The following SLC10A7 variants were observed in gnomAD, a reference collection of about 807,000 sequenced individuals.
SLC10A7 encodes the protein sodium/bile acid cotransporter 7.
A neutral mutation model predicts 43.2 loss-of-function variants in SLC10A7; 29 were observed. That is an observed-to-expected ratio of 0.67 (90% confidence interval 0.50 to 0.92). SLC10A7 has a LOEUF of 0.92. Ranked by LOEUF, SLC10A7 falls within the 40% of genes least tolerant of loss-of-function variation. The probability of loss-of-function intolerance (pLI) is 0.00; values close to 1 mark genes in which losing one functional copy is unlikely to be tolerated. For missense variants in SLC10A7, 295 were observed against 403.2 expected (o/e 0.73, Z 2.30); for synonymous variants, 152 against 144.8 (o/e 1.05, Z -0.35).
intron 5 of SLC10A7, among the ~76,000 whole-genome samples, chr4:146,327,667 A>C (rs1013832976): frequency 3.3e-5 from 5 of 152,248 alleles, no homozygotes; most frequent in African/African-American, 4.8e-5. Context: ...CATGGTCCCT[A>C]TGCTTAAACA....
At chr4:146,482,920 A>G (rs959534523) in intron 4 of SLC10A7, among the ~76,000 whole-genome samples, 4 of 152,146 alleles carry the variant, frequency 2.6e-5, no homozygotes, top group Admixed American at 1.3e-4. Context: ...ATAGGCCAAC[A>G]GAGAGTGGAA....
chr4:146,330,783 C>G (rs1733477876), intron 5 of SLC10A7, among the ~76,000 whole-genome samples: 2 of 152,188 alleles, frequency 1.3e-5, no homozygotes, highest in African/African-American at 2.4e-5. Flanking sequence ...ACTGTGATGG[C>G]TGTGCCTTTG....
At chr4:146,514,342 T>C (rs1293528458) in intron 2 of SLC10A7, 1 of 152,230 alleles carries the variant, frequency 6.6e-6, no homozygotes, top group Non-Finnish European at 1.5e-5. Flanking sequence ...AGCACTTAAT[T>C]GATACTTGTT....
chr4:146,305,992 A>C lies in SLC10A7; in HGVS notation c.489T>G (p.Ser163=), dbSNP rs1207487884. The C allele has an allele frequency of 5.0e-6, 8 of 1,608,736 alleles. No homozygotes were observed. The highest frequency in any genetic ancestry group is 6.8e-6 in the Non-Finnish European group (8 of 1,178,040). ...GAGAAAAAATAGATGTGAAAGGCAC[A>C]GAAGAAGATGAACCAAGCTGTAAAA... ...LLLLFLGSSS[S]VPFTSIFSQL... The change falls in exon 7 of 12, where the codon TCT becomes TCG. Residue 163 remains serine (S), a synonymous_variant. Coordinates refer to ENST00000335472, the MANE Select transcript of SLC10A7 (RefSeq NM_001029998.6).
At chr4:146,340,535 GGAGAGAGAGAGA>G (rs35059793) in intron 5 of SLC10A7, among the ~76,000 whole-genome samples, 2 of 141,830 alleles carry the variant, frequency 1.4e-5, no homozygotes, top group Non-Finnish European at 3.1e-5. Flanking sequence ...ATATATATAT[GGAGAGAGAGAGA>G]GAGAGAGAGA....
At chr4:146,279,118 T>C (rs1729383604) in intron 10 of SLC10A7, among the ~76,000 whole-genome samples, 1 of 152,196 alleles carries the variant, frequency 6.6e-6, no homozygotes, top group Admixed American at 6.6e-5. Context: ...AGAAGTACTT[T>C]TGGAAATAAG....
chr4:146,307,693 G>T (rs1270642120), intron 6 of SLC10A7, among the ~76,000 whole-genome samples: 2 of 152,070 alleles, frequency 1.3e-5, no homozygotes, highest in African/African-American at 4.8e-5. Flanking sequence ...TATTCATAAG[G>T]TTTACAGAAC....
At chr4:146,442,259 A>G in intron 5 of SLC10A7, 1 of 957,662 alleles carries the variant, frequency 1.0e-6, no homozygotes, top group Non-Finnish European at 1.2e-6. Context: ...ATATATAGAT[A>G]CAACATTTAC....
intron 7 of SLC10A7, among the ~76,000 whole-genome samples, chr4:146,296,429 G>A (rs576851177): frequency 6.6e-6 from 1 of 152,232 alleles, no homozygotes; most frequent in East Asian, 1.9e-4. Flanking sequence ...AGTACTTAGA[G>A]TCTCATAGTA....
At chr4:146,282,701 T>C (rs1729628164) in intron 10 of SLC10A7, among the ~76,000 whole-genome samples, 1 of 152,200 alleles carries the variant, frequency 6.6e-6, no homozygotes, top group African/African-American at 2.4e-5. Flanking sequence ...GAGTTAATGA[T>C]AACTATATTG....
chr4:146,506,138 AAGCAG>A (rs2150036018), intron 3 of SLC10A7, among the ~76,000 whole-genome samples: 1 of 152,224 alleles, frequency 6.6e-6, no homozygotes, highest in South Asian at 2.1e-4. Context: ...ATGTGCAAAA[AAGCAG>A]AATTCTCATA....
At chr4:146,366,277 T>C (rs1353395839) in intron 5 of SLC10A7, among the ~76,000 whole-genome samples, 1 of 152,212 alleles carries the variant, frequency 6.6e-6, no homozygotes, top group Non-Finnish European at 1.5e-5. Flanking sequence ...ATATGTATTA[T>C]GTAACCATCC....
chr4:146,306,271 A>T (rs1731563841), intron 6 of SLC10A7, among the ~76,000 whole-genome samples: 3 of 152,130 alleles, frequency 2.0e-5, no homozygotes, highest in African/African-American at 7.2e-5. Flanking sequence ...TATTTTAGTA[A>T]AGTCATTCTG....
At position 146,503,915 on chromosome 4, in the gene SLC10A7, T is replaced by A. The variant is rs759995308; in HGVS notation, c.330A>T (p.Thr110=). 2.5e-6 allele frequency: 4 copies of A among 1,614,110 alleles called. No individual in the cohort carries two copies. Among genetic ancestry groups the A allele is most frequent in the Non-Finnish European group, 3.4e-6 (4 of 1,179,962 alleles). ...ACACAGGCGGAGGCATGCAACCTAC[T>A]GTCTGCAAACTGAAAAATAAAAGAA... ...INEWLLKGLQ[T]VGCMPPPVSS... The change falls in exon 4 of 12, where the codon ACA becomes ACT. Residue 110 remains threonine (T), a synonymous_variant. Transcript: ENST00000335472.
chr4:146,494,273 T>C (rs1489788995), intron 4 of SLC10A7, among the ~76,000 whole-genome samples: 3 of 152,186 alleles, frequency 2.0e-5, no homozygotes, highest in Non-Finnish European at 4.4e-5. Flanking sequence ...AAGCAGGAAT[T>C]AAGCACATGC....
chr4:146,357,917 C>G (rs558708937), intron 5 of SLC10A7, among the ~76,000 whole-genome samples: 21 of 152,032 alleles, frequency 1.4e-4, no homozygotes, highest in Admixed American at 4.6e-4. Context: ...GAGAAAAGGA[C>G]TTGAGTCATC....
chr4:146,442,687 C>T, intron 5 of SLC10A7, 96 bp downstream of exon 5: 1 of 1,545,052 alleles, frequency 6.5e-7, no homozygotes, highest in Non-Finnish European at 8.7e-7. Flanking sequence ...TTATACTTAA[C>T]CAAAGAGTAA....
At chr4:146,305,873 G>C in intron 7 of SLC10A7, 53 bp downstream of exon 7, 1 of 1,457,866 alleles carries the variant, frequency 6.9e-7, no homozygotes, top group Non-Finnish European at 9.3e-7. Context: ...CATTATGTAA[G>C]ATTTCACAAT....
At chr4:146,260,142 T>G (rs1044756556) in intron 10 of SLC10A7, among the ~76,000 whole-genome samples, 1 of 152,164 alleles carries the variant, frequency 6.6e-6, no homozygotes, top group Non-Finnish European at 1.5e-5. Flanking sequence ...CTAAAGTACA[T>G]GCTTAGATTT....
Sources: gnomAD v4.1 joint callset for allele counts (sites outside exome capture counted in the v4.1 genomes callset) on GRCh38, gnomAD v4.1.1 for gene constraint, MANE v1.5 for transcripts, NCBI Gene and HGNC (gene_info 2026-07-23, HGNC 2026-07-21) for gene names.